PRKCA: variants seen among roughly 807,000 people sequenced by gnomAD.
The protein encoded by PRKCA is protein kinase C alpha type.
In PRKCA, 27 loss-of-function variants were observed where a neutral mutation model predicts 87.0. The observed-to-expected ratio is 0.31, with a 90% CI of 0.23 to 0.43. PRKCA has a LOEUF of 0.43. Ranked by LOEUF, PRKCA falls within the 20% of genes least tolerant of loss-of-function variation. The pLI is 1.00. For missense variants in PRKCA, 518 were observed against 852.3 expected (o/e 0.61, Z 4.88); for synonymous variants, 329 against 311.1 (o/e 1.06, Z -0.61).
chr17:66,657,149 C>T (rs546254774), intron 5 of PRKCA, among the ~76,000 whole-genome samples: 1 of 152,200 alleles, frequency 6.6e-6, no homozygotes, highest in Non-Finnish European at 1.5e-5. Context: ...AATAGGGGGC[C>T]ATGGCCACCC....
intron 2 of PRKCA, among the ~76,000 whole-genome samples, chr17:66,368,287 T>C (rs747104163): frequency 2.7e-5 from 4 of 149,480 alleles, no homozygotes; most frequent in South Asian, 2.1e-4. Flanking sequence ...CCTATATATA[T>C]ACACACATAT....
At chr17:66,459,055 A>ACT (rs1313342091) in intron 2 of PRKCA, among the ~76,000 whole-genome samples, 1 of 151,740 alleles carries the variant, frequency 6.6e-6, no homozygotes, top group Non-Finnish European at 1.5e-5. Flanking sequence ...TAAGGAACAC[A>ACT]CTCAGGTATT....
chr17:66,781,448 G>A (rs1975210480), intron 14 of PRKCA, among the ~76,000 whole-genome samples: 1 of 152,216 alleles, frequency 6.6e-6, no homozygotes, highest in Admixed American at 6.5e-5. Flanking sequence ...CAACGTACAG[G>A]TAGCATAAGC....
chr17:66,784,639 A>G (rs1229562867), intron 14 of PRKCA, among the ~76,000 whole-genome samples: 15 of 152,236 alleles, frequency 9.9e-5, no homozygotes, highest in African/African-American at 2.9e-4. Context: ...TGTTATGGGT[A>G]TCATAAAATA....
intron 2 of PRKCA, among the ~76,000 whole-genome samples, chr17:66,344,532 CAGTT>C (rs904625307): frequency 1.2e-4 from 18 of 151,852 alleles, no homozygotes; most frequent in African/African-American, 4.1e-4. Context: ...AACAAAAAAA[CAGTT>C]AGTTGTTATT....
chr17:66,625,761 G>A (rs1461639209), intron 3 of PRKCA, among the ~76,000 whole-genome samples: 4 of 152,172 alleles, frequency 2.6e-5, no homozygotes, highest in African/African-American at 4.8e-5. Flanking sequence ...TTGGTTCAGC[G>A]TCTAGCACAG....
chr17:66,348,632 T>C (rs1382104061), intron 2 of PRKCA, among the ~76,000 whole-genome samples: 2 of 152,360 alleles, frequency 1.3e-5, no homozygotes, highest in South Asian at 4.1e-4. Context: ...AAAACTCTTA[T>C]TTGTCTTGGA....
chr17:66,641,494 A>G (rs1971295939), intron 4 of PRKCA, 28 bp downstream of exon 4: 9 of 1,546,422 alleles, frequency 5.8e-6, no homozygotes, highest in African/African-American at 2.7e-5. Context: ...TCCAGTTCAT[A>G]GCGAGGCTCT....
In PRKCA at chr17:66,438,548, C is replaced by T. The variant is rs138958059; in HGVS notation, c.206-57653C>T. Reference sequence around the variant, plus strand: ...TTCGTGGAACATTATTTTTAAGAACCGGTTATTTCATTTAAAACAGAGTAA... The same window carrying T: ...TTCGTGGAACATTATTTTTAAGAACTGGTTATTTCATTTAAAACAGAGTAA... On this transcript the variant is annotated intron_variant, in intron 2 of 16. Transcript: ENST00000413366. 3.5e-3 allele frequency among the ~76,000 whole-genome samples: 530 copies of T among 152,200 alleles called. 3 individuals carry two copies. The highest frequency in any genetic ancestry group is 5.4e-3 in the Non-Finnish European group (367 of 68,000).
At chr17:66,358,287 G>T (rs1908183928) in intron 2 of PRKCA, among the ~76,000 whole-genome samples, 1 of 152,054 alleles carries the variant, frequency 6.6e-6, no homozygotes, top group Admixed American at 6.6e-5. Context: ...GAGGGCAGAG[G>T]AACTCTTCCG....
At chr17:66,320,368 A>G (rs905201712) in intron 2 of PRKCA, among the ~76,000 whole-genome samples, 2 of 151,602 alleles carry the variant, frequency 1.3e-5, no homozygotes, top group African/African-American at 2.4e-5. Context: ...GTGCCCATCC[A>G]ATACTCTATT....
chr17:66,803,852 C>T lies in PRKCA; in HGVS notation c.1855-21C>T, dbSNP rs757354854. The T allele has an allele frequency of 6.2e-7, 1 of 1,610,890 alleles. No homozygotes were observed. Among genetic ancestry groups the T allele is most frequent in the Non-Finnish European group, 8.5e-7 (1 of 1,177,786 alleles). The stretch of plus-strand genomic sequence containing the variant: ...TTGTCATGTTGACTGACCTTTCCTT[C>T]TTTTTGTCTTTTCTCCACAGTGTGG... On this transcript the variant is annotated intron_variant, in intron 16 of 16. Coordinates refer to ENST00000413366, the MANE Select transcript of PRKCA (RefSeq NM_002737.3). This position sits in a 1 kb window ranked among gnomAD's most constrained non-coding sequence, Gnocchi z 4.4.
chr17:66,590,072 T>C (rs1969753873), intron 3 of PRKCA, among the ~76,000 whole-genome samples: 1 of 152,110 alleles, frequency 6.6e-6, no homozygotes, highest in East Asian at 1.9e-4. Flanking sequence ...TAACAGGCCA[T>C]GGACAGGCAC....
At chr17:66,583,330 G>A (rs1969501127) in intron 3 of PRKCA, among the ~76,000 whole-genome samples, 1 of 152,134 alleles carries the variant, frequency 6.6e-6, no homozygotes, top group African/African-American at 2.4e-5. Context: ...TTTAATAGCT[G>A]TAGACATCTA....
chr17:66,747,797 CA>C (rs1974329664), intron 13 of PRKCA, among the ~76,000 whole-genome samples: 1 of 152,186 alleles, frequency 6.6e-6, no homozygotes, highest in African/African-American at 2.4e-5. Context: ...CTGTTATCCC[CA>C]GGGAGATCCC....
intron 2 of PRKCA, among the ~76,000 whole-genome samples, chr17:66,333,191 A>G (rs999171442): frequency 1.2e-4 from 18 of 152,266 alleles, no homozygotes; most frequent in Admixed American, 3.9e-4. Flanking sequence ...AGTCTACTAC[A>G]TCAATGACAT....
At chr17:66,499,394 G>A (rs1488031417) in intron 3 of PRKCA, among the ~76,000 whole-genome samples, 2 of 152,160 alleles carry the variant, frequency 1.3e-5, no homozygotes, top group East Asian at 3.9e-4. Flanking sequence ...GTATCTCTGT[G>A]TTTGTTATGA....
At chr17:66,778,863 C>A (rs61762781) in intron 14 of PRKCA, among the ~76,000 whole-genome samples, 12,577 of 144,430 alleles carry the variant, frequency 0.087, 659 homozygotes, top group African/African-American at 0.13. Context: ...AAAAAAAAAA[C>A]AACAACTCCT....
chr17:66,369,485 C>T (rs1908966683), intron 2 of PRKCA, among the ~76,000 whole-genome samples: 1 of 152,154 alleles, frequency 6.6e-6, no homozygotes, highest in Non-Finnish European at 1.5e-5. Flanking sequence ...CTGAGGCTGA[C>T]TTCAGCTAGA....
Sources: allele counts gnomAD v4.1 joint callset (sites outside exome capture counted in the v4.1 genomes callset), GRCh38; gene constraint gnomAD v4.1.1; non-coding constraint Gnocchi (gnomAD v3.1); transcripts MANE v1.5; gene names NCBI Gene and HGNC (gene_info 2026-07-23, HGNC 2026-07-21).